Variants in TNRC6C observed in about 807,000 individuals in gnomAD.
The protein encoded by TNRC6C is trinucleotide repeat-containing gene 6C protein.
Under a neutral mutation model 153.7 loss-of-function variants are expected in TNRC6C, and 20 were observed. That is an observed-to-expected ratio of 0.13 (90% CI 0.09 to 0.19). The LOEUF (loss-of-function observed/expected upper bound fraction) is 0.19, where lower values mean the gene tolerates loss of function less well. Among genes scored for constraint, TNRC6C ranks in the 10% least tolerant of loss-of-function variants. TNRC6C has a pLI of 1.00. For missense variants in TNRC6C, 1,987 were observed against 2,172.0 expected, an observed-to-expected ratio of 0.91 and a Z score of 1.69; for synonymous variants, 811 against 841.4, an observed-to-expected ratio of 0.96 and a Z score of 0.63.
intron 1 of TNRC6C, among the ~76,000 whole-genome samples, chr17:77,986,407 C>T (rs1452995840): frequency 1.4e-4 from 14 of 97,476 alleles, no homozygotes; most frequent in African/African-American, 5.9e-4. Context: ...GAGTGAAACT[C>T]CATCTCAAAA....
chr17:78,004,215 A>G (rs1018314759), upstream of TNRC6C: 1 of 1,231,746 alleles, frequency 8.1e-7, no homozygotes, highest in Non-Finnish European at 1.0e-6. Flanking sequence ...TGATGGAAGA[A>G]AAGAAAAAGA....
chr17:78,025,800 A>G (rs1384575820), intron 1 of TNRC6C, among the ~76,000 whole-genome samples: 2 of 152,202 alleles, frequency 1.3e-5, no homozygotes, highest in East Asian at 3.8e-4. Flanking sequence ...TTTCATGTCT[A>G]TATCAAGGCC....
chr17:78,088,839 G>A (rs2073343943), intron 13 of TNRC6C, among the ~76,000 whole-genome samples: 1 of 151,588 alleles, frequency 6.6e-6, no homozygotes, highest in Non-Finnish European at 1.5e-5. Flanking sequence ...TTATGTAAGT[G>A]CTTCTGTTTT....
At chr17:78,015,681 G>A (rs2071713853) in intron 1 of TNRC6C, among the ~76,000 whole-genome samples, 1 of 152,204 alleles carries the variant, frequency 6.6e-6, no homozygotes, top group African/African-American at 2.4e-5. Context: ...GGAGGCCGAG[G>A]TGGGCGGATC....
intron 5 of TNRC6C, 116 bp downstream of exon 7, chr17:78,068,039 G>T: frequency 7.7e-7 from 1 of 1,292,212 alleles, no homozygotes; most frequent in African/African-American, 1.5e-5. Flanking sequence ...AGTAGTCTTA[G>T]GACCCTTGGA....
In TNRC6C at chr17:78,074,392, G is replaced by C. The variant is rs115658238; in HGVS notation, c.2918-744G>C. Among the ~76,000 whole-genome samples, 941 of 152,318 alleles carry C rather than the reference G, an allele frequency of 6.2e-3. 9 individuals are homozygous for C. The highest frequency in any genetic ancestry group is 0.022 in the African/African-American group (899 of 41,574). On this transcript the variant is annotated intron_variant, in intron 7 of 19. Transcript: ENST00000301624. ...GTTACAAATTTTAGCAAGTAGGCCA[G>C]CTTTACAAGTACAGAATTCATGAAT...
At chr17:78,094,918 GAC>G (rs907894582) in intron 16 of TNRC6C, among the ~76,000 whole-genome samples, 2 of 152,198 alleles carry the variant, frequency 1.3e-5, no homozygotes, top group African/African-American at 4.8e-5. Flanking sequence ...CCTGCTGTCA[GAC>G]ACAGCCAAGT....
chr17:77,972,452 C>G (rs1044355982), intron 1 of TNRC6C, among the ~76,000 whole-genome samples: 2 of 151,242 alleles, frequency 1.3e-5, no homozygotes, highest in Non-Finnish European at 2.9e-5. Context: ...GCAGAGGTTG[C>G]AGTGAGCCCA....
exon 2 of TNRC6C, chr17:78,031,807 C>T (rs2072080548): frequency 2.4e-6 from 3 of 1,232,132 alleles, no homozygotes; most frequent in Admixed American, 4.2e-5. Context: ...CTACCTGGAG[C>T]CGGAACACAG....
At chr17:78,058,903 A>G (rs2072710379) in intron 3 of TNRC6C, among the ~76,000 whole-genome samples, 1 of 152,256 alleles carries the variant, frequency 6.6e-6, no homozygotes, top group African/African-American at 2.4e-5. Context: ...TGAAACAATT[A>G]TCATCTTATA....
intron 11 of TNRC6C, among the ~76,000 whole-genome samples, chr17:78,085,182 CAG>C (rs971557828): frequency 2.6e-5 from 4 of 152,170 alleles, no homozygotes; most frequent in African/African-American, 7.2e-5. Context: ...AGCCCTGACA[CAG>C]AGCTGATTAT....
chr17:78,049,782 T>C lies in TNRC6C; in HGVS notation c.720T>C (p.Ser240=), dbSNP rs2072484143. The change falls in exon 3 of 20, where the codon AGT becomes AGC. Residue 240 remains serine, a synonymous_variant. Transcript: ENST00000301624. The surrounding 1 kb of genome is among the most constrained non-coding windows in gnomAD (Gnocchi z 4.1). ...CAGTTTCTCAAGTCAGTGGGGGCAG[T>C]GCTGAAGGAATAAGCAATTCTGTGT... 7 of 1,597,602 alleles carry C rather than the reference T, an allele frequency of 4.4e-6. No homozygotes were observed. The highest frequency in any genetic ancestry group is 6.0e-6 in the Non-Finnish European group (7 of 1,170,538).
chr17:78,039,093 T>C (rs1003160320), intron 2 of TNRC6C, among the ~76,000 whole-genome samples: 3 of 152,210 alleles, frequency 2.0e-5, no homozygotes, highest in African/African-American at 7.2e-5. Context: ...TGGCATGAAT[T>C]AATAACAGGC....
intron 17 of TNRC6C, among the ~76,000 whole-genome samples, chr17:78,101,396 TCCAAACTTTC>T (rs1303435246): frequency 1.3e-5 from 2 of 152,214 alleles, no homozygotes; most frequent in Non-Finnish European, 2.9e-5. Context: ...TCTAGGAAGT[TCCAAACTTTC>T]CCACATTCTC....
intron 14 of TNRC6C, among the ~76,000 whole-genome samples, 192 bp from the exon 17 acceptor site, chr17:78,092,741 T>A (rs112124071): frequency 0.017 from 2,551 of 152,012 alleles, 38 homozygotes; most frequent in Non-Finnish European, 0.028. Flanking sequence ...CTCAAAAAAA[T>A]AAATAAATAA....
intron 17 of TNRC6C, among the ~76,000 whole-genome samples, chr17:78,099,731 C>T (rs575679084): frequency 1.9e-3 from 284 of 152,326 alleles, no homozygotes; most frequent in Admixed American, 3.5e-3. Flanking sequence ...CATGTCCTCA[C>T]ATTTCAAAAC....
At chr17:77,972,580 T>C (rs1309558371) in intron 1 of TNRC6C, among the ~76,000 whole-genome samples, 1 of 150,940 alleles carries the variant, frequency 6.6e-6, no homozygotes, top group Non-Finnish European at 1.5e-5. Context: ...GTAGGTACCA[T>C]AAACAACTTT....
chr17:78,029,462 C>A (rs140869322), intron 1 of TNRC6C, among the ~76,000 whole-genome samples: 58 of 152,166 alleles, frequency 3.8e-4, no homozygotes, highest in African/African-American at 1.3e-3. Context: ...AAGAAAAATA[C>A]GCTATAAAGA....
At position 78,104,790 on chromosome 17, in the gene TNRC6C, C is replaced by G; in HGVS notation, c.5018C>G (p.Pro1673Arg). The change falls in exon 20 of 20, where the codon CCC (proline) becomes CGC (arginine). Residue 1673 changes from proline (P) to arginine (R), a missense_variant. By Grantham distance (103) the Pro-to-Arg change is moderately radical. This residue lies in a region of TNRC6C where 139 missense variants were observed against 148.5 expected (regional missense o/e 0.94). Coordinates refer to ENST00000301624, the Ensembl canonical transcript of TNRC6C. This position sits in a 1 kb window ranked among gnomAD's most constrained non-coding sequence, Gnocchi z 6.2. ...GACGACAGCAGGGTGATAGGCAGCC[C>G]CACGCCGCTAACCACCCTGCTGCCT... The G allele has an allele frequency of 6.9e-7, 1 of 1,450,756 alleles. No individual in the cohort carries two copies. Among genetic ancestry groups the G allele is most frequent in the Non-Finnish European group, 9.1e-7 (1 of 1,101,244 alleles). 89.9% of individuals were successfully genotyped at this position (1,450,756 alleles called of 1,614,324 possible).
Sources: gnomAD v4.1 joint callset for allele counts (sites outside exome capture counted in the v4.1 genomes callset) on GRCh38, gnomAD v4.1.1 for gene constraint, gnomAD v4.1.1 regional missense constraint, Gnocchi (gnomAD v3.1) non-coding constraint, MANE v1.5 for transcripts, NCBI Gene and HGNC (gene_info 2026-07-23, HGNC 2026-07-21) for gene names.